KHDRBS2: variants seen among roughly 807,000 people sequenced by gnomAD.
KHDRBS2 encodes the protein KH domain-containing, RNA-binding, signal transduction-associated protein 2.
KHDRBS2 carries 26 observed loss-of-function variants against 44.3 expected under a neutral mutation model. That is an observed-to-expected ratio of 0.59 (90% CI 0.43 to 0.81). The LOEUF is 0.81. KHDRBS2 is among the 40% of genes least tolerant of loss of function. KHDRBS2 has a pLI of 0.00. For synonymous variants in KHDRBS2, 194 were observed against 151.1 expected (o/e 1.28, Z -2.08); for missense variants, 476 against 433.1 (o/e 1.10, Z -0.88).
chr6:61,922,636 A>G (rs531723408), intron 4 of KHDRBS2, among the ~76,000 whole-genome samples: 132 of 152,232 alleles, frequency 8.7e-4, no homozygotes, highest in African/African-American at 3.0e-3. Flanking sequence ...TAGAAATGCC[A>G]TAATTCACAT....
intron 6 of KHDRBS2, among the ~76,000 whole-genome samples, chr6:61,839,272 G>A (rs1173224117): frequency 2.6e-5 from 4 of 152,054 alleles, no homozygotes; most frequent in African/African-American, 9.6e-5. Flanking sequence ...ATTTATTTCT[G>A]ATTATTTGTA....
intron 6 of KHDRBS2, among the ~76,000 whole-genome samples, chr6:61,857,125 G>A (rs1346606965): frequency 6.6e-6 from 1 of 151,998 alleles, no homozygotes; most frequent in Admixed American, 6.6e-5. Context: ...CTTTTATTAA[G>A]TAACTAGCCT....
In KHDRBS2 at chr6:62,177,061, T is replaced by C. The variant is rs1821243838; in HGVS notation, c.219+124A>G. ...TTCCTTCCCCTATGTCAGTATCATGTGCTTGCATACACTTACATTATGAAG... is the reference window on the plus strand; with the variant it reads ...TTCCTTCCCCTATGTCAGTATCATGCGCTTGCATACACTTACATTATGAAG... On this transcript the variant is annotated intron_variant, in intron 2 of 8. Transcript: ENST00000281156. 8 of 541,074 alleles carry C rather than the reference T, an allele frequency of 1.5e-5. No homozygotes were observed. In the East Asian group the frequency reaches 2.6e-4, roughly 17 times the overall value. 33.5% of individuals were successfully genotyped at this position (541,074 alleles called of 1,614,324 possible). A position where few individuals can be genotyped will look rare whatever the true frequency, so the allele number is the denominator to read the frequency against.
intron 2 of KHDRBS2, among the ~76,000 whole-genome samples, chr6:62,090,569 T>C (rs1271538047): frequency 3.3e-5 from 5 of 152,178 alleles, no homozygotes; most frequent in Non-Finnish European, 7.4e-5. Flanking sequence ...GTTTTTTTTT[T>C]TTAATTTTAC....
the KHDRBS2 span, among the ~76,000 whole-genome samples, chr6:61,553,609 G>A: frequency 6.6e-6 from 1 of 151,930 alleles, no homozygotes; most frequent in Non-Finnish European, 1.5e-5. Flanking sequence ...TTGCTGCTTT[G>A]AAATTTTTCC....
At chr6:61,628,145 A>G in the KHDRBS2 span, among the ~76,000 whole-genome samples, 1 of 147,578 alleles carries the variant, frequency 6.8e-6, no homozygotes, top group Admixed American at 6.8e-5. Context: ...CATGCAGTCT[A>G]ATTTCTTCCC....
chr6:62,121,192 T>C (rs1807545864), intron 2 of KHDRBS2, among the ~76,000 whole-genome samples: 1 of 152,108 alleles, frequency 6.6e-6, no homozygotes, highest in Non-Finnish European at 1.5e-5. Flanking sequence ...CCACATTGGC[T>C]CCCTGACTGG....
chr6:61,959,604 A>T (rs1768184963), intron 4 of KHDRBS2, among the ~76,000 whole-genome samples: 1 of 152,154 alleles, frequency 6.6e-6, no homozygotes, highest in Non-Finnish European at 1.5e-5. Flanking sequence ...TTGTTTCTTG[A>T]TACTTCTACT....
At chr6:61,655,195 G>A in the KHDRBS2 span, among the ~76,000 whole-genome samples, 1 of 149,450 alleles carries the variant, frequency 6.7e-6, no homozygotes, top group African/African-American at 2.5e-5. Context: ...CAAACACTAG[G>A]TTCTTAGAAC....
chr6:62,167,967 G>A lies in KHDRBS2; in HGVS notation c.219+9218C>T, dbSNP rs202153593. ...GGACTTGGGTATTTCATCTTTTGAT[G>A]TATAAAGAAGGAAACGCACACTCTG... On this transcript the variant is annotated intron_variant, in intron 2 of 8. Transcript: ENST00000281156. 3.9e-5 allele frequency among the ~76,000 whole-genome samples: 6 copies of A among 152,238 alleles called. No homozygotes were observed. In the East Asian group the frequency reaches 5.8e-4, roughly 15 times the overall value.
chr6:62,065,908 C>G (rs951759811), intron 2 of KHDRBS2, among the ~76,000 whole-genome samples: 1 of 151,680 alleles, frequency 6.6e-6, no homozygotes, highest in Non-Finnish European at 1.5e-5. Context: ...ATTCATTCTG[C>G]TATAAATAAT....
intron 7 of KHDRBS2, among the ~76,000 whole-genome samples, chr6:61,716,089 A>G (rs1425281451): frequency 6.6e-6 from 1 of 151,936 alleles, no homozygotes; most frequent in Non-Finnish European, 1.5e-5. Context: ...AACTACTAGC[A>G]TGAGGCTAAG....
At chr6:61,955,110 A>G (rs1310125676) in intron 4 of KHDRBS2, among the ~76,000 whole-genome samples, 1 of 144,076 alleles carries the variant, frequency 6.9e-6, no homozygotes, top group African/African-American at 2.5e-5. Flanking sequence ...ATATATACAC[A>G]TATGTGTATA....
chr6:62,134,071 A>C (rs1258069448), intron 2 of KHDRBS2, among the ~76,000 whole-genome samples: 1 of 152,218 alleles, frequency 6.6e-6, no homozygotes. Flanking sequence ...TTGCATAAGT[A>C]ATGAGGAGCC....
At chr6:61,606,455 G>T in the KHDRBS2 span, among the ~76,000 whole-genome samples, 1 of 152,102 alleles carries the variant, frequency 6.6e-6, no homozygotes, top group Non-Finnish European at 1.5e-5. Context: ...ACTGACAAAA[G>T]GAAGGAGAAA....
intron 7 of KHDRBS2, among the ~76,000 whole-genome samples, chr6:61,706,918 A>T (rs1367507277): frequency 6.6e-6 from 1 of 151,726 alleles, no homozygotes; most frequent in East Asian, 1.9e-4. Flanking sequence ...CAAGTAAAAT[A>T]CTATACAAGT....
At chr6:61,557,302 A>G in the KHDRBS2 span, among the ~76,000 whole-genome samples, 1 of 152,236 alleles carries the variant, frequency 6.6e-6, no homozygotes, top group Non-Finnish European at 1.5e-5. Context: ...ATAATAGCAT[A>G]AAGTTCCCAT....
intron 3 of KHDRBS2, among the ~76,000 whole-genome samples, chr6:61,999,142 A>C (rs1416995925): frequency 1.3e-5 from 2 of 152,104 alleles, no homozygotes; most frequent in Non-Finnish European, 2.9e-5. Flanking sequence ...ACAAAACTAC[A>C]CTTATAAATT....
At chr6:61,665,923 A>G in the KHDRBS2 span, among the ~76,000 whole-genome samples, 1 of 150,936 alleles carries the variant, frequency 6.6e-6, no homozygotes, top group African/African-American at 2.4e-5. Flanking sequence ...AAATAATTTT[A>G]AAAAACTATT....
Sources: allele counts gnomAD v4.1 joint callset (sites outside exome capture counted in the v4.1 genomes callset), GRCh38; gene constraint gnomAD v4.1.1; transcripts MANE v1.5; gene names NCBI Gene and HGNC (gene_info 2026-07-23, HGNC 2026-07-21).